Variants in GALNT11 observed in about 807,000 individuals in gnomAD.
GALNT11 encodes the protein polypeptide N-acetylgalactosaminyltransferase 11, also known as UDP-GalNAc:polypeptide N-acetylgalactosaminyltransferase 11.
In GALNT11, 47 loss-of-function variants were observed where a neutral mutation model predicts 72.7. That is an observed-to-expected ratio of 0.65 (90% CI 0.51 to 0.82). The LOEUF (loss-of-function observed/expected upper bound fraction) is 0.82, where lower values mean the gene tolerates loss of function less well. Among genes scored for constraint, GALNT11 ranks in the 40% least tolerant of loss-of-function variants. The pLI is 0.00. For missense variants in GALNT11, 677 were observed against 778.4 expected (o/e 0.87, Z 1.55); for synonymous variants, 270 against 286.6 (o/e 0.94, Z 0.58).
At chr7:152,078,527 C>T (rs1389446712) in intron 1 of GALNT11, among the ~76,000 whole-genome samples, 1 of 152,240 alleles carries the variant, frequency 6.6e-6, no homozygotes, top group South Asian at 2.1e-4. Context: ...TAAATAATGG[C>T]AAAGATTTTT....
intron 1 of GALNT11, among the ~76,000 whole-genome samples, chr7:152,055,576 CATATAT>C (rs371042719): frequency 8.4e-6 from 1 of 119,384 alleles, no homozygotes; most frequent in Non-Finnish European, 1.9e-5. Context: ...TGTATATATA[CATATAT>C]ATATATACAC....
In GALNT11 at chr7:152,121,773, A is replaced by G. The variant is rs866437888; in HGVS notation, c.*96A>G. The G allele has an allele frequency of 2.6e-5, 38 of 1,458,596 alleles. 1 individual carries two copies. In the South Asian group the frequency reaches 3.5e-4, roughly 13 times the overall value. The allele number at this position is 1,458,596 out of a possible 1,614,324, so 90.4% of individuals were successfully genotyped here. On this transcript the variant is annotated 3_prime_UTR_variant, in exon 12 of 12. Transcript: ENST00000430044. ...AGCCTGGGTTGGGTGGAGCAGAACC[A>G]TCTTGGAGAAGATGACAGTTCCCTG...
chr7:152,052,174 C>G lies in GALNT11; in HGVS notation c.-39+26290C>G, dbSNP rs149069622. On this transcript the variant is annotated intron_variant, in intron 1 of 11. Transcript: ENST00000430044. Reference sequence around the variant, plus strand: ...TTTTCAAGATTCATCCATGCTGTAACATGCATTATACTTCATTCTTTTTTA... The same window carrying G: ...TTTTCAAGATTCATCCATGCTGTAAGATGCATTATACTTCATTCTTTTTTA... Among the ~76,000 whole-genome samples, 171 of 152,278 alleles carry G rather than the reference C, an allele frequency of 1.1e-3. 2 individuals are homozygous for G. Among genetic ancestry groups the G allele is most frequent in the African/African-American group, 4.0e-3 (166 of 41,542 alleles).
intron 2 of GALNT11, among the ~76,000 whole-genome samples, chr7:152,098,282 T>A (rs973783008): frequency 6.6e-6 from 1 of 151,976 alleles, no homozygotes; most frequent in African/African-American, 2.4e-5. Flanking sequence ...TACTGAAAGT[T>A]TAAAAATTAG....
intron 3 of GALNT11, 125 bp downstream of exon 3, chr7:152,101,046 A>G (rs2086838573): frequency 7.8e-7 from 1 of 1,284,314 alleles, no homozygotes; most frequent in Non-Finnish European, 1.1e-6. Flanking sequence ...ATACTAGGAA[A>G]CTTGAGACAG....
chr7:152,098,371 G>A (rs2086530812), intron 2 of GALNT11, among the ~76,000 whole-genome samples: 1 of 151,992 alleles, frequency 6.6e-6, no homozygotes, highest in African/African-American at 2.4e-5. Context: ...GCTACAGTGA[G>A]CCGAGATTGC....
chr7:152,028,329 AATTGGTCGGTTTTTACAGAGTGCTG>A (rs1283140652), intron 1 of GALNT11, among the ~76,000 whole-genome samples: 10 of 152,014 alleles, frequency 6.6e-5, no homozygotes, highest in African/African-American at 2.4e-4. Context: ...ACAGAGTGCT[AATTGGTCGGTTTTTACAGAGTGCTG>A]ATTGGTGCGT....
At chr7:152,049,654 C>T (rs71541729) in intron 1 of GALNT11, among the ~76,000 whole-genome samples, 1 of 152,174 alleles carries the variant, frequency 6.6e-6, no homozygotes, top group Non-Finnish European at 1.5e-5. Context: ...GCTCAAGGCC[C>T]TAAGGCTCTA....
chr7:152,077,612 G>T (rs2085064031), intron 1 of GALNT11, among the ~76,000 whole-genome samples: 1 of 152,182 alleles, frequency 6.6e-6, no homozygotes, highest in South Asian at 2.1e-4. Context: ...CTCAAATGGT[G>T]AAATGGATTA....
At chr7:152,026,239 A>G (rs2082007245) in intron 1 of GALNT11, among the ~76,000 whole-genome samples, 1 of 152,236 alleles carries the variant, frequency 6.6e-6, no homozygotes. Context: ...TAAAATTAAA[A>G]GTGCCCAGAA....
chr7:152,069,197 G>T (rs1393662390), intron 1 of GALNT11, among the ~76,000 whole-genome samples: 1 of 152,116 alleles, frequency 6.6e-6, no homozygotes, highest in Admixed American at 6.5e-5. Flanking sequence ...AGACCCATGG[G>T]TTATTTAGAA....
At chr7:152,075,796 CAA>C (rs775384082) in intron 1 of GALNT11, among the ~76,000 whole-genome samples, 25 of 109,292 alleles carry the variant, frequency 2.3e-4, no homozygotes, top group East Asian at 2.9e-4. Context: ...AACTCTGTCT[CAA>C]AAAAAAAAAA....
chr7:152,051,632 T>A (rs577524248), intron 1 of GALNT11, among the ~76,000 whole-genome samples: 1 of 152,294 alleles, frequency 6.6e-6, no homozygotes, highest in South Asian at 2.1e-4. Context: ...GGTATTACTC[T>A]CCTCCCCCAA....
At chr7:152,101,158 G>A (rs1244153496) in intron 3 of GALNT11, among the ~76,000 whole-genome samples, 2 of 152,220 alleles carry the variant, frequency 1.3e-5, no homozygotes, top group Non-Finnish European at 2.9e-5. Context: ...ACCTGGGGAA[G>A]CAGAGTAGGG....
At chr7:152,049,921 T>C (rs1220384317) in intron 1 of GALNT11, among the ~76,000 whole-genome samples, 18 of 152,172 alleles carry the variant, frequency 1.2e-4, no homozygotes, top group Non-Finnish European at 1.5e-5. Flanking sequence ...ACTGCCTGGC[T>C]ACTGCCAGTG....
intron 1 of GALNT11, among the ~76,000 whole-genome samples, chr7:152,057,238 A>T (rs2083735615): frequency 6.7e-6 from 1 of 148,596 alleles, no homozygotes; most frequent in South Asian, 2.1e-4. Flanking sequence ...TCTATTAGTA[A>T]TTTTTTTTTT....
At chr7:152,066,691 C>T (rs946131056) in intron 1 of GALNT11, among the ~76,000 whole-genome samples, 4 of 152,094 alleles carry the variant, frequency 2.6e-5, no homozygotes, top group Non-Finnish European at 4.4e-5. Flanking sequence ...GATTTCAAAA[C>T]GGTTTTGTCT....
chr7:152,035,568 CCGGAAGTACAGGAAA>C (rs1490383681), intron 1 of GALNT11, among the ~76,000 whole-genome samples: 1 of 152,250 alleles, frequency 6.6e-6, no homozygotes, highest in South Asian at 2.1e-4. Context: ...TCGGCTCAGC[CCGGAAGTACAGGAAA>C]AGCGGAAAGC....
At chr7:152,055,511 T>G (rs2083616695) in intron 1 of GALNT11, among the ~76,000 whole-genome samples, 1 of 148,040 alleles carries the variant, frequency 6.8e-6, no homozygotes, top group South Asian at 2.2e-4. Context: ...GTATTTGGTA[T>G]ATATAAAGCG....
Sources: gnomAD v4.1 joint callset for allele counts (sites outside exome capture counted in the v4.1 genomes callset) on GRCh38, gnomAD v4.1.1 for gene constraint, MANE v1.5 for transcripts, NCBI Gene and HGNC (gene_info 2026-07-23, HGNC 2026-07-21) for gene names.